Variants in CCDC102B observed in about 807,000 individuals in gnomAD.
CCDC102B encodes coiled-coil domain-containing protein 102B.
CCDC102B carries 75 observed loss-of-function variants against 57.4 expected under a neutral mutation model. The observed-to-expected ratio is 1.31, with a 90% CI of 1.08 to 1.58. CCDC102B has a LOEUF of 1.58. Ranked by LOEUF, CCDC102B falls within the 40% of genes most tolerant of loss-of-function variation. The probability of loss-of-function intolerance (pLI) is 0.00; values close to 1 mark genes in which losing one functional copy is unlikely to be tolerated. For synonymous variants in CCDC102B, 206 were observed against 201.9 expected (o/e 1.02, Z -0.17); for missense variants, 636 against 582.6 (o/e 1.09, Z -0.94).
At chr18:68,953,680 AAC>A (rs995317281) in intron 6 of CCDC102B, among the ~76,000 whole-genome samples, 12 of 152,098 alleles carry the variant, frequency 7.9e-5, no homozygotes, top group Admixed American at 5.9e-4. Context: ...AATTTGAGAG[AAC>A]TCTCATTACA....
At chr18:68,995,352 A>G (rs758813770) in intron 6 of CCDC102B, among the ~76,000 whole-genome samples, 1 of 152,170 alleles carries the variant, frequency 6.6e-6, no homozygotes, top group Admixed American at 6.5e-5. Flanking sequence ...AATGGGGAGA[A>G]TGTCTCCAGG....
intron 6 of CCDC102B, among the ~76,000 whole-genome samples, chr18:68,933,700 A>G (rs2041754117): frequency 6.6e-6 from 1 of 151,926 alleles, no homozygotes; most frequent in African/African-American, 2.4e-5. Context: ...CTTTATTACA[A>G]TCATATCAGT....
intron 6 of CCDC102B, among the ~76,000 whole-genome samples, chr18:68,902,657 T>C (rs2040495689): frequency 6.6e-6 from 1 of 152,162 alleles, no homozygotes; most frequent in Non-Finnish European, 1.5e-5. Flanking sequence ...GAGATCTGCT[T>C]TTGTTGCAGC....
chr18:68,958,756 T>G (rs555581470), intron 6 of CCDC102B, among the ~76,000 whole-genome samples: 1 of 152,302 alleles, frequency 6.6e-6, no homozygotes, highest in East Asian at 1.9e-4. Flanking sequence ...TAGTTCTTTC[T>G]TCTGTTTGTT....
At chr18:68,954,185 C>T (rs1799425435) in intron 6 of CCDC102B, among the ~76,000 whole-genome samples, 2 of 151,990 alleles carry the variant, frequency 1.3e-5, no homozygotes, top group East Asian at 1.9e-4. Flanking sequence ...TTTGGGAGGC[C>T]AAGGCGGGCG....
chr18:68,821,497 A>G (rs1257285216), intron 1 of CCDC102B, among the ~76,000 whole-genome samples: 1 of 151,778 alleles, frequency 6.6e-6, no homozygotes, highest in African/African-American at 2.4e-5. Flanking sequence ...ACAGAGAGAA[A>G]ACAAATTTTG....
chr18:68,919,618 C>G (rs1228648029), intron 6 of CCDC102B, among the ~76,000 whole-genome samples: 1 of 152,116 alleles, frequency 6.6e-6, no homozygotes, highest in Admixed American at 6.5e-5. Context: ...ATTCTTCTAG[C>G]CATACACAGT....
At chr18:68,912,214 A>T (rs2145077953) in intron 6 of CCDC102B, among the ~76,000 whole-genome samples, 1 of 152,326 alleles carries the variant, frequency 6.6e-6, no homozygotes, top group East Asian at 1.9e-4. Flanking sequence ...GGGTTAGAAA[A>T]GAGCAACAGC....
chr18:68,878,822 A>G (rs1010382654), intron 5 of CCDC102B, among the ~76,000 whole-genome samples: 8 of 152,316 alleles, frequency 5.3e-5, no homozygotes, highest in Non-Finnish European at 1.0e-4. Flanking sequence ...GGACAGAACT[A>G]TCAAAAAAAC....
chr18:68,874,711 C>A lies in CCDC102B; in HGVS notation c.979C>A (p.Leu327Met). ...LGQHNDEMQE[L>M]SGNIKEESKS... ...TCAACATAATGATGAAATGCAAGAA[C>A]TGTCAGGCAATATAAAGGAAGAATC... Residue 327 changes from leucine to methionine, a missense_variant, in exon 5 of 8, where the codon CTG becomes ATG. Coordinates refer to ENST00000360242, the MANE Select transcript of CCDC102B (RefSeq NM_024781.3). The A allele has an allele frequency of 6.2e-7, 1 of 1,612,008 alleles. No homozygotes were observed. Among genetic ancestry groups the A allele is most frequent in the Non-Finnish European group, 8.5e-7 (1 of 1,178,546 alleles).
chr18:68,858,633 G>T (rs1017036956), intron 4 of CCDC102B, among the ~76,000 whole-genome samples: 33 of 152,004 alleles, frequency 2.2e-4, no homozygotes, highest in Admixed American at 1.0e-3. Context: ...TTGATCAATG[G>T]GTTGTATCCG....
In CCDC102B at chr18:68,897,428, G is replaced by A. The variant is rs765723022; in HGVS notation, c.1263G>A (p.Gln421=). ...MSQIDLQEKN[Q]ELLNLQHAYY... ...AAATTGATCTGCAAGAAAAAAACCA[G>A]GTATGGGTGCTCCTTGGAGCAAATT... is the stretch of plus-strand genomic sequence containing the variant. Residue 421 remains glutamine (Q), a splice_region_variant and synonymous_variant, in exon 6 of 8, where the codon CAG becomes CAA. Coordinates refer to ENST00000360242, the MANE Select transcript of CCDC102B (RefSeq NM_024781.3). The A allele has an allele frequency of 4.3e-6, 7 of 1,610,548 alleles. No individual in the cohort carries two copies. The highest frequency in any genetic ancestry group is 3.3e-5 in the South Asian group (3 of 90,838).
intron 4 of CCDC102B, among the ~76,000 whole-genome samples, chr18:68,867,567 C>T (rs954760706): frequency 2.6e-5 from 4 of 152,096 alleles, no homozygotes; most frequent in South Asian, 2.1e-4. Flanking sequence ...GCCTTTAACA[C>T]CTACACAGCA....
chr18:68,725,604 G>A (rs1268116468), intron 2 of CCDC102B, among the ~76,000 whole-genome samples: 1 of 152,218 alleles, frequency 6.6e-6, no homozygotes, highest in Non-Finnish European at 1.5e-5. Context: ...GCCAGTGACA[G>A]TGGGGCAAGT....
At chr18:68,806,891 C>G (rs562355634) in intron 1 of CCDC102B, among the ~76,000 whole-genome samples, 21 of 152,186 alleles carry the variant, frequency 1.4e-4, no homozygotes, top group African/African-American at 5.1e-4. Context: ...ACAATTCAGG[C>G]GACCCTCATT....
chr18:68,886,524 C>A (rs1255282628), intron 5 of CCDC102B, among the ~76,000 whole-genome samples: 1 of 152,050 alleles, frequency 6.6e-6, no homozygotes, highest in African/African-American at 2.4e-5. Context: ...TAAGTAGAAA[C>A]CTAAATTCTT....
At chr18:69,000,847 T>C (rs1362501490) in intron 6 of CCDC102B, among the ~76,000 whole-genome samples, 2 of 152,188 alleles carry the variant, frequency 1.3e-5, no homozygotes, top group Non-Finnish European at 2.9e-5. Flanking sequence ...TACTTTTTTA[T>C]ATATATAAAT....
At chr18:68,872,949 G>C (rs996104960) in intron 4 of CCDC102B, among the ~76,000 whole-genome samples, 1 of 152,108 alleles carries the variant, frequency 6.6e-6, no homozygotes, top group Non-Finnish European at 1.5e-5. Context: ...ACAGTTCATT[G>C]AGAGTTCTGT....
chr18:69,030,652 G>A (rs6566405), intron 7 of CCDC102B, among the ~76,000 whole-genome samples: 2 of 152,002 alleles, frequency 1.3e-5, no homozygotes, highest in Non-Finnish European at 2.9e-5. Flanking sequence ...TAACAAATGA[G>A]TATGTTTTTG....
Sources: gnomAD v4.1 joint callset for allele counts (sites outside exome capture counted in the v4.1 genomes callset) on GRCh38, gnomAD v4.1.1 for gene constraint, MANE v1.5 for transcripts, NCBI Gene and HGNC (gene_info 2026-07-23, HGNC 2026-07-21) for gene names.